DGKB: variants seen among roughly 807,000 people sequenced by gnomAD.
DGKB encodes diacylglycerol kinase beta.
A neutral mutation model predicts 114.3 loss-of-function variants in DGKB; 67 were observed. The ratio of observed to expected loss-of-function variants is 0.59; its 90% CI spans 0.48 to 0.72. The LOEUF (loss-of-function observed/expected upper bound fraction) is 0.72, where lower values mean the gene tolerates loss of function less well. Ranked by LOEUF, DGKB falls within the 30% of genes least tolerant of loss-of-function variation. The pLI is 0.00. For missense variants in DGKB, 907 were observed against 975.2 expected, an observed-to-expected ratio of 0.93 and a Z score of 0.93; for synonymous variants, 398 against 323.1, an observed-to-expected ratio of 1.23 and a Z score of -2.49.
chr7:14,610,937 C>T (rs960937471), intron 16 of DGKB, among the ~76,000 whole-genome samples: 3 of 152,032 alleles, frequency 2.0e-5, no homozygotes, highest in Admixed American at 1.3e-4. Context: ...AAGTTTATGC[C>T]AGTGTCCAGT....
At chr7:14,539,265 C>A (rs1793026624) in intron 20 of DGKB, among the ~76,000 whole-genome samples, 1 of 152,114 alleles carries the variant, frequency 6.6e-6, no homozygotes, top group Admixed American at 6.6e-5. Context: ...CTAAACTCAC[C>A]AAATTTCATT....
chr7:14,532,823 T>C (rs1290376459), intron 20 of DGKB, among the ~76,000 whole-genome samples: 1 of 151,634 alleles, frequency 6.6e-6, no homozygotes, highest in Non-Finnish European at 1.5e-5. Flanking sequence ...AGGAGCTACA[T>C]GCTGTTTTAG....
rs996074643 is a variant in DGKB, at chr7:14,965,803, C to T, written c.-188+8893G>A. 4.6e-5 allele frequency among the ~76,000 whole-genome samples: 7 copies of T among 152,034 alleles called. 1 individual carries two copies. Among genetic ancestry groups the T allele is most frequent in the Non-Finnish European group, 4.4e-5 (3 of 67,964 alleles). Reference sequence around the variant, plus strand: ...AAATGACATGTTTGGCCCCTCAATGCTCTCTTTCATTTGGCACTGGTCCTA... The same window carrying T: ...AAATGACATGTTTGGCCCCTCAATGTTCTCTTTCATTTGGCACTGGTCCTA... On this transcript the variant is annotated intron_variant, in intron 1 of 4. Transcript: ENST00000437998.
chr7:14,271,727 C>G (rs1371054243), intron 23 of DGKB, among the ~76,000 whole-genome samples: 1 of 152,178 alleles, frequency 6.6e-6, no homozygotes, highest in African/African-American at 2.4e-5. Context: ...GCCCCAAACA[C>G]AAAAGCTTTT....
chr7:14,610,368 G>T (rs925018085), intron 16 of DGKB, among the ~76,000 whole-genome samples: 1 of 151,978 alleles, frequency 6.6e-6, no homozygotes, highest in Non-Finnish European at 1.5e-5. Context: ...AGACATGGGG[G>T]ACTACCAGAG....
intron 19 of DGKB, 50 bp downstream of exon 19, chr7:14,580,812 G>T: frequency 7.8e-7 from 1 of 1,280,892 alleles, no homozygotes; most frequent in Non-Finnish European, 1.1e-6. Context: ...TTTTGCAAGG[G>T]AAAGGGGTGT....
At chr7:14,612,227 T>C (rs1048673208) in intron 16 of DGKB, among the ~76,000 whole-genome samples, 1 of 146,632 alleles carries the variant, frequency 6.8e-6, no homozygotes, top group African/African-American at 2.5e-5. Flanking sequence ...TGGGCTGGAG[T>C]GCAGTGGCAC....
At chr7:14,364,174 A>T (rs17168097) in intron 21 of DGKB, among the ~76,000 whole-genome samples, 63,765 of 151,634 alleles carry the variant, frequency 0.42, 13,798 homozygotes, top group African/African-American at 0.52. Context: ...TATTTCCAAT[A>T]AAAAAAACAA....
intron 1 of DGKB, among the ~76,000 whole-genome samples, chr7:14,878,622 G>T (rs217571): frequency 1.4e-3 from 211 of 151,514 alleles, no homozygotes; most frequent in African/African-American, 4.7e-3. Flanking sequence ...AGTGGCGGGC[G>T]CCTGTAGTCC....
At chr7:14,431,141 T>C (rs1828392577) in intron 21 of DGKB, among the ~76,000 whole-genome samples, 1 of 152,110 alleles carries the variant, frequency 6.6e-6, no homozygotes, top group Non-Finnish European at 1.5e-5. Context: ...TCTCTTTCAT[T>C]GTTATGTGTG....
chr7:14,633,021 T>C (rs1266204740), intron 13 of DGKB, among the ~76,000 whole-genome samples: 2 of 151,724 alleles, frequency 1.3e-5, no homozygotes, highest in Admixed American at 6.6e-5. Flanking sequence ...CCATTTGAAG[T>C]TATCCAAAAA....
intron 2 of DGKB, among the ~76,000 whole-genome samples, chr7:14,796,954 C>A (rs1290561014): frequency 7.2e-5 from 11 of 152,086 alleles, no homozygotes; most frequent in Admixed American, 7.2e-4. Context: ...CAAAATTACT[C>A]ACTTTTCTTT....
intron 4 of DGKB, among the ~76,000 whole-genome samples, chr7:14,743,239 G>A (rs944268097): frequency 3.9e-5 from 6 of 152,260 alleles, no homozygotes; most frequent in African/African-American, 1.4e-4. Context: ...CCTTGTTGAA[G>A]ATTTCTATGT....
intron 21 of DGKB, among the ~76,000 whole-genome samples, chr7:14,437,559 C>T (rs978588006): frequency 6.6e-6 from 1 of 151,824 alleles, no homozygotes; most frequent in Non-Finnish European, 1.5e-5. Flanking sequence ...TTGCACATGT[C>T]GGCTTTATTT....
intron 25 of DGKB, among the ~76,000 whole-genome samples, chr7:14,163,080 G>A (rs1784137281): frequency 6.6e-6 from 1 of 151,938 alleles, no homozygotes; most frequent in Non-Finnish European, 1.5e-5. Flanking sequence ...TCAAGCTCAC[G>A]GGTGTTACAG....
rs569078603 is a variant in DGKB, at chr7:14,481,462, T to C, written c.1771-3237A>G. 9.2e-5 allele frequency among the ~76,000 whole-genome samples: 14 copies of C among 152,064 alleles called. No individual in the cohort carries two copies. In the East Asian group the frequency reaches 1.7e-3, roughly 19 times the overall value. On this transcript the variant is annotated intron_variant, in intron 20 of 25. Transcript: ENST00000402815. ...AAATAGAGGTACCCAAATATTGTCATCAATATTATCTTTTATTCTGTTTAA... is the reference window on the plus strand; with the variant it reads ...AAATAGAGGTACCCAAATATTGTCACCAATATTATCTTTTATTCTGTTTAA...
chr7:14,399,473 T>A (rs996376612), intron 21 of DGKB, among the ~76,000 whole-genome samples: 26 of 151,666 alleles, frequency 1.7e-4, no homozygotes, highest in African/African-American at 5.8e-4. Flanking sequence ...ATTTTATTAA[T>A]AACAATACTT....
At chr7:14,632,791 G>A (rs904594109) in intron 13 of DGKB, among the ~76,000 whole-genome samples, 1 of 151,742 alleles carries the variant, frequency 6.6e-6, no homozygotes, top group African/African-American at 2.4e-5. Flanking sequence ...CAGAGAAAGA[G>A]GGGGAACTGT....
At chr7:14,721,164 T>C (rs1298341874) in intron 5 of DGKB, among the ~76,000 whole-genome samples, 1 of 152,236 alleles carries the variant, frequency 6.6e-6, no homozygotes, top group Admixed American at 6.5e-5. Context: ...GAATATGCTC[T>C]GACATTTATT....
Sources: allele counts gnomAD v4.1 joint callset (sites outside exome capture counted in the v4.1 genomes callset), GRCh38; gene constraint gnomAD v4.1.1; transcripts MANE v1.5; gene names NCBI Gene and HGNC (gene_info 2026-07-23, HGNC 2026-07-21).